The following KIAA1549 variants were observed in gnomAD, a reference collection of about 807,000 sequenced individuals.
KIAA1549 encodes KIAA1549, also known as UPF0606 protein KIAA1549.
A neutral mutation model predicts 156.4 loss-of-function variants in KIAA1549; 70 were observed. The observed-to-expected ratio is 0.45, with a 90% CI of 0.37 to 0.55. The LOEUF (loss-of-function observed/expected upper bound fraction) is 0.55. KIAA1549 is among the 20% of genes least tolerant of loss of function. The pLI, the probability that KIAA1549 is intolerant of heterozygous loss-of-function variation, is 0.00. For missense variants in KIAA1549, 2,428 were observed against 2,540.9 expected (o/e 0.96, Z 0.96); for synonymous variants, 1,103 against 1,066.4 (o/e 1.03, Z -0.67).
At position 138,903,792 on chromosome 7, in the gene KIAA1549, AGT is replaced by A. The variant is rs55745123; in HGVS notation, c.3521-58_3521-57del. On this transcript the variant is annotated intron_variant, in intron 7 of 19. Coordinates refer to ENST00000422774, the MANE Select transcript of KIAA1549 (RefSeq NM_001164665.2). ...CAAAACAAGTCAGCAGTAAAAAAAC[AGT>A]GTGTGTGTGTGTGTGTGTGTGTGTG... The A allele has an allele frequency of 4.4e-3, 5,219 of 1,193,776 alleles. 40 individuals carry two copies. Among genetic ancestry groups the A allele is most frequent in the Admixed American group, 0.017 (699 of 40,574 alleles). The allele number at this position is 1,193,776 out of a possible 1,614,324, so 73.9% of individuals were successfully genotyped here. A position where few individuals can be genotyped will look rare whatever the true frequency, so the allele number is the denominator to read the frequency against.
intron 10 of KIAA1549, 136 bp downstream of exon 10, chr7:138,894,206 A>T (rs897516743): frequency 7.6e-6 from 6 of 789,008 alleles, no homozygotes; most frequent in Non-Finnish European, 1.2e-5. Context: ...GCAAAGTGAT[A>T]CCACTATTAA....
intron 14 of KIAA1549, among the ~76,000 whole-genome samples, chr7:138,869,202 G>A (rs1810846029): frequency 6.6e-6 from 1 of 152,204 alleles, no homozygotes; most frequent in African/African-American, 2.4e-5. Context: ...GCCAGTGTGG[G>A]AAGGAAAGGG....
Position 138,891,162 on chromosome 7 carries a change from A to G in KIAA1549, c.4032+3180T>C, listed in dbSNP as rs113056820. Among the ~76,000 whole-genome samples, 2 of 152,346 alleles carry G rather than the reference A, an allele frequency of 1.3e-5. 1 individual carries two copies. The highest frequency in any genetic ancestry group is 4.8e-5 in the African/African-American group (2 of 41,568). On this transcript the variant is annotated intron_variant, in intron 10 of 19. Coordinates refer to ENST00000422774, the MANE Select transcript of KIAA1549 (RefSeq NM_001164665.2). Reference sequence around the variant, plus strand: ...CTTGCTAAAGCCCTGGAATGCAGAGATCGCGTGCTATTTGTGTTGGTAACT... The same window carrying G: ...CTTGCTAAAGCCCTGGAATGCAGAGGTCGCGTGCTATTTGTGTTGGTAACT...
chr7:138,960,625 T>A (rs1050013164), intron 1 of KIAA1549, among the ~76,000 whole-genome samples: 3 of 152,112 alleles, frequency 2.0e-5, no homozygotes, highest in Admixed American at 6.5e-5. Flanking sequence ...AATAAAAAAA[T>A]TTTAAATACA....
intron 9 of KIAA1549, among the ~76,000 whole-genome samples, chr7:138,896,715 C>T (rs986796439): frequency 6.6e-6 from 1 of 151,938 alleles, no homozygotes; most frequent in East Asian, 1.9e-4. Context: ...CTGCCTCAGA[C>T]CCCCCAAGTA....
At position 138,917,480 on chromosome 7, in the gene KIAA1549, C is replaced by A; in HGVS notation, c.2146G>T (p.Val716Leu). 6.2e-7 allele frequency: 1 copy of A among 1,613,800 alleles called. No homozygotes were observed. Among genetic ancestry groups the A allele is most frequent in the Non-Finnish European group, 8.5e-7 (1 of 1,179,888 alleles). Residue 716 changes from valine (V) to leucine (L), a missense_variant, in exon 2 of 20, where the codon GTG becomes TTG. By Grantham distance (32) the Val-to-Leu change is conservative. Around this residue, in one of 5 missense-constraint regions of KIAA1549, gnomAD observed 762 missense variants for 901.6 expected, o/e 0.85. Coordinates refer to ENST00000422774, the MANE Select transcript of KIAA1549 (RefSeq NM_001164665.2). ...TIMLLPSRSE[V>L]SPWSSFPSDS... ...GAAGGGAAGCTTGACCATGGTGACA[C>A]CTCAGAACGGCTAGGTAGCAACATG... is the stretch of plus-strand genomic sequence containing the variant.
At chr7:138,862,268 G>A (rs911588041) in intron 15 of KIAA1549, among the ~76,000 whole-genome samples, 1 of 152,076 alleles carries the variant, frequency 6.6e-6, no homozygotes, top group African/African-American at 2.4e-5. Flanking sequence ...ACCAAGGCAG[G>A]AAGATCATTT....
rs774214000 is a variant in KIAA1549, at chr7:138,918,188, C to T, written c.1438G>A (p.Val480Ile). The T allele has an allele frequency of 6.2e-7, 1 of 1,613,924 alleles. No homozygotes were observed. Among genetic ancestry groups the T allele is most frequent in the African/African-American group, 1.3e-5 (1 of 75,042 alleles). ...DFSEFEEDPQVFNTLFPSRPI... is the reference protein window; with the variant it reads ...DFSEFEEDPQIFNTLFPSRPI... ...CTGGAGGGGAAAAGCGTATTAAATACTTGAGGATCTTCCTCAAATTCAGAG... is the reference window on the plus strand; with the variant it reads ...CTGGAGGGGAAAAGCGTATTAAATATTTGAGGATCTTCCTCAAATTCAGAG... Residue 480 changes from valine to isoleucine, a missense_variant, in exon 2 of 20, where the codon GTA becomes ATA. This residue lies in a region of KIAA1549 where 893 missense variants were observed against 847.9 expected (regional missense o/e 1.05). Coordinates refer to ENST00000422774, the MANE Select transcript of KIAA1549 (RefSeq NM_001164665.2). The surrounding 1 kb of genome is among the most constrained non-coding windows in gnomAD (Gnocchi z 4.2).
intron 5 of KIAA1549, among the ~76,000 whole-genome samples, chr7:138,908,543 T>C (rs994361964): frequency 1.3e-5 from 2 of 152,194 alleles, no homozygotes; most frequent in African/African-American, 2.4e-5. Context: ...AAATCTATTT[T>C]AACATCCATT....
chr7:138,912,322 A>G (rs766534785), intron 3 of KIAA1549, 50 bp downstream of exon 3: 2 of 1,368,214 alleles, frequency 1.5e-6, no homozygotes, highest in East Asian at 2.3e-5. Flanking sequence ...GGGCTCTCAC[A>G]TCAGCCCCAG....
chr7:138,848,595 C>A (rs1810147874), intron 17 of KIAA1549, among the ~76,000 whole-genome samples: 1 of 152,132 alleles, frequency 6.6e-6, no homozygotes, highest in Non-Finnish European at 1.5e-5. Flanking sequence ...TTTTTTATAT[C>A]TATGTTCATG....
chr7:138,865,904 G>A (rs1205358864), intron 15 of KIAA1549, among the ~76,000 whole-genome samples: 2 of 152,166 alleles, frequency 1.3e-5, no homozygotes, highest in East Asian at 3.8e-4. Flanking sequence ...GTTGGCTGGA[G>A]AAGTGAAGGG....
intron 1 of KIAA1549, among the ~76,000 whole-genome samples, chr7:138,963,216 G>A (rs1181224479): frequency 6.6e-6 from 1 of 152,198 alleles, no homozygotes; most frequent in Non-Finnish European, 1.5e-5. Context: ...AAACAAAGAT[G>A]GAAGAATGAA....
chr7:138,913,212 C>T (rs1189032139), intron 2 of KIAA1549, among the ~76,000 whole-genome samples: 1 of 152,132 alleles, frequency 6.6e-6, no homozygotes, highest in Non-Finnish European at 1.5e-5. Flanking sequence ...TGTTACTCAA[C>T]AAAACCAGAT....
chr7:138,952,045 C>T (rs1584780039), intron 1 of KIAA1549, among the ~76,000 whole-genome samples: 2 of 152,136 alleles, frequency 1.3e-5, no homozygotes, highest in East Asian at 3.9e-4. Context: ...AGGAAAAGAA[C>T]ACACAGGGTG....
intron 1 of KIAA1549, among the ~76,000 whole-genome samples, chr7:138,966,221 C>T (rs1814020305): frequency 6.6e-6 from 1 of 151,956 alleles, no homozygotes; most frequent in African/African-American, 2.4e-5. Flanking sequence ...AAGGTCATAT[C>T]GAAGTAGGGT....
chr7:138,952,162 T>C (rs1208515751), intron 1 of KIAA1549, among the ~76,000 whole-genome samples: 3 of 152,210 alleles, frequency 2.0e-5, no homozygotes, highest in Non-Finnish European at 2.9e-5. Flanking sequence ...AGGTTCTGAC[T>C]CAATGTGGCT....
At chr7:138,916,405 C>T (rs1812321341) in intron 2 of KIAA1549, among the ~76,000 whole-genome samples, 1 of 152,214 alleles carries the variant, frequency 6.6e-6, no homozygotes, top group African/African-American at 2.4e-5. Flanking sequence ...TATTTATTCT[C>T]CTTGTGACTG....
intron 10 of KIAA1549, among the ~76,000 whole-genome samples, chr7:138,891,884 G>T (rs1811557582): frequency 6.6e-6 from 1 of 152,160 alleles, no homozygotes; most frequent in African/African-American, 2.4e-5. Context: ...GACCTTAAAA[G>T]AAACACGTAT....
Sources: gnomAD v4.1 joint callset for allele counts (sites outside exome capture counted in the v4.1 genomes callset) on GRCh38, gnomAD v4.1.1 for gene constraint, gnomAD v4.1.1 regional missense constraint, Gnocchi (gnomAD v3.1) non-coding constraint, MANE v1.5 for transcripts, NCBI Gene and HGNC (gene_info 2026-07-23, HGNC 2026-07-21) for gene names.